FKTN: variants seen among roughly 807,000 people sequenced by gnomAD.
FKTN encodes the protein ribitol-5-phosphate transferase FKTN.
Under a neutral mutation model 58.6 loss-of-function variants are expected in FKTN, and 47 were observed. The observed-to-expected ratio is 0.80, with a 90% CI of 0.63 to 1.02. The LOEUF is 1.02. Ranked by LOEUF, FKTN falls within the 50% of genes least tolerant of loss-of-function variation. The pLI, the probability that FKTN is intolerant of heterozygous loss-of-function variation, is 0.00. For missense variants in FKTN, 516 were observed against 537.3 expected, an observed-to-expected ratio of 0.96 and a Z score of 0.39; for synonymous variants, 178 against 191.9, an observed-to-expected ratio of 0.93 and a Z score of 0.60.
At position 105,639,605 on chromosome 9, in the gene FKTN, C is replaced by A; in HGVS notation, c.*4341C>A. Reference sequence around the variant, plus strand: ...TAGAAACCATGGGTCAGAACATATTCCTTTACTCAAAAGATTGCATGACTG... The same window carrying A: ...TAGAAACCATGGGTCAGAACATATTACTTTACTCAAAAGATTGCATGACTG... On this transcript the variant is annotated 3_prime_UTR_variant, in exon 11 of 11. Coordinates refer to ENST00000357998, the MANE Select transcript of FKTN (RefSeq NM_001079802.2). 5 of 977,460 alleles carry A rather than the reference C, an allele frequency of 5.1e-6. No individual in the cohort carries two copies. The highest frequency in any genetic ancestry group is 6.1e-6 in the Non-Finnish European group (5 of 822,762). The allele number at this position is 977,460 out of a possible 1,614,324, so 60.5% of individuals were successfully genotyped here.
intron 1 of FKTN, among the ~76,000 whole-genome samples, chr9:105,566,119 A>T (rs1199098693): frequency 6.6e-6 from 1 of 152,262 alleles, no homozygotes; most frequent in Non-Finnish European, 1.5e-5. Context: ...AAGACACAAC[A>T]TACCAGAATC....
At chr9:105,561,079 C>A (rs934428361) in intron 1 of FKTN, among the ~76,000 whole-genome samples, 1 of 150,992 alleles carries the variant, frequency 6.6e-6, no homozygotes, top group Non-Finnish European at 1.5e-5. Context: ...AGCAAGAATC[C>A]GTCTCAAAAA....
intron 5 of FKTN, among the ~76,000 whole-genome samples, chr9:105,601,601 C>T (rs1247421694): frequency 6.6e-6 from 1 of 152,088 alleles, no homozygotes; most frequent in East Asian, 1.9e-4. Flanking sequence ...GATGTCAGGA[C>T]TTGTGTCTCT....
At chr9:105,617,906 A>G (rs1831114290) in intron 8 of FKTN, 53 bp from the exon 9 acceptor site, 2 of 1,113,250 alleles carry the variant, frequency 1.8e-6, no homozygotes, top group African/African-American at 3.2e-5. Context: ...TGTTATAATA[A>G]CTAATTTTTT....
chr9:105,602,567 G>GT (rs1431695830), intron 5 of FKTN, among the ~76,000 whole-genome samples: 4 of 152,170 alleles, frequency 2.6e-5, no homozygotes, highest in South Asian at 4.2e-4. Context: ...TTTTGTTTTT[G>GT]TTTTTTGAGA....
At chr9:105,591,711 A>G (rs1350708987) in intron 3 of FKTN, among the ~76,000 whole-genome samples, 2 of 152,094 alleles carry the variant, frequency 1.3e-5, no homozygotes, top group Non-Finnish European at 2.9e-5. Context: ...CAGCTCCAGT[A>G]GGCAGTGCCC....
chr9:105,592,514 G>A (rs1377866225), intron 3 of FKTN, among the ~76,000 whole-genome samples: 1 of 152,102 alleles, frequency 6.6e-6, no homozygotes, highest in Non-Finnish European at 1.5e-5. Flanking sequence ...ATGGGTGCCT[G>A]TAATCCTAGC....
chr9:105,616,441 TC>T (rs1381180108), intron 8 of FKTN, among the ~76,000 whole-genome samples: 7 of 152,138 alleles, frequency 4.6e-5, no homozygotes, highest in African/African-American at 1.4e-4. Context: ...ACATCACTGT[TC>T]ATCTGACATG....
rs1157802235 is a variant in FKTN, at chr9:105,604,386, G to C, written c.541G>C (p.Gly181Arg). The C allele has an allele frequency of 6.2e-7, 1 of 1,613,952 alleles. No individual in the cohort carries two copies. The highest frequency in any genetic ancestry group is 1.7e-5 in the Admixed American group (1 of 60,008). ...IHLVVFHERS[G>R]NYLWHGHLRL... ...CTTGGTAGTCTTTCATGAGAGGAGTGGCAACTACCTCTGGCACGGCCACTT... is the reference window on the plus strand; with the variant it reads ...CTTGGTAGTCTTTCATGAGAGGAGTCGCAACTACCTCTGGCACGGCCACTT... The change falls in exon 6 of 11, where the codon GGC (glycine) becomes CGC (arginine). Residue 181 changes from glycine (G) to arginine (R), a missense_variant. By Grantham distance (125) the Gly-to-Arg change is moderately radical. Coordinates refer to ENST00000357998, the MANE Select transcript of FKTN (RefSeq NM_001079802.2).
At position 105,604,501 on chromosome 9, in the gene FKTN, A is replaced by C. The variant is rs1588113617; in HGVS notation, c.647+9A>C. ...CCAGGAGCTTTTGACAGGTAAGTTC[A>C]GAGTCAAAACGTGAAATGTGAAATG... On this transcript the variant is annotated intron_variant, in intron 6 of 10. Transcript: ENST00000357998. 2 of 1,611,776 alleles carry C rather than the reference A, an allele frequency of 1.2e-6. No individual in the cohort carries two copies. Among genetic ancestry groups the C allele is most frequent in the African/African-American group, 1.3e-5 (1 of 75,036 alleles).
At position 105,596,429 on chromosome 9, in the gene FKTN, A is replaced by G. The variant is rs112290608; in HGVS notation, c.106-169A>G. Among the ~76,000 whole-genome samples, 1,042 of 152,322 alleles carry G rather than the reference A, an allele frequency of 6.8e-3. 17 individuals carry two copies. Among genetic ancestry groups the G allele is most frequent in the African/African-American group, 0.023 (955 of 41,560 alleles). ...GATGTTTTCCATCTTGGATTTTTATATCATAAAAATGTAGAATTCTTAGCT... is the reference window on the plus strand; with the variant it reads ...GATGTTTTCCATCTTGGATTTTTATGTCATAAAAATGTAGAATTCTTAGCT... On this transcript the variant is annotated intron_variant, in intron 3 of 10. Coordinates refer to ENST00000357998, the MANE Select transcript of FKTN (RefSeq NM_001079802.2).
At chr9:105,587,057 C>T (rs1296607715) in intron 3 of FKTN, among the ~76,000 whole-genome samples, 2 of 152,064 alleles carry the variant, frequency 1.3e-5, no homozygotes, top group Admixed American at 6.5e-5. Flanking sequence ...TAAGGAATGC[C>T]GTAGCACAAC....
intron 6 of FKTN, 133 bp downstream of exon 6, chr9:105,604,625 G>T (rs1286201661): frequency 4.0e-6 from 3 of 758,782 alleles, no homozygotes; most frequent in Admixed American, 4.8e-5. Context: ...TATTCTTAAT[G>T]ACTCCAAATT....
At chr9:105,619,801 G>A (rs1340176891) in intron 9 of FKTN, 133 bp from the exon 10 acceptor site, 2 of 749,024 alleles carry the variant, frequency 2.7e-6, no homozygotes, top group Non-Finnish European at 4.2e-6. Flanking sequence ...TTGAAAAAAT[G>A]TGCATCTTAG....
chr9:105,565,135 G>C (rs77695826), intron 1 of FKTN, among the ~76,000 whole-genome samples: 1 of 152,124 alleles, frequency 6.6e-6, no homozygotes, highest in Non-Finnish European at 1.5e-5. Context: ...CCCTAAAAGA[G>C]CTCCTGAAGG....
At chr9:105,589,398 A>G (rs1844457741) in intron 3 of FKTN, among the ~76,000 whole-genome samples, 1 of 151,988 alleles carries the variant, frequency 6.6e-6, no homozygotes, top group African/African-American at 2.4e-5. Flanking sequence ...GCTATTCAGG[A>G]AGCTGAGGCA....
chr9:105,588,902 C>T (rs941850150), intron 3 of FKTN, among the ~76,000 whole-genome samples: 10 of 152,146 alleles, frequency 6.6e-5, no homozygotes, highest in South Asian at 2.1e-4. Context: ...CAATGGGATA[C>T]GGCTGGAGAT....
intron 10 of FKTN, among the ~76,000 whole-genome samples, chr9:105,620,487 C>T (rs1831678740): frequency 6.6e-6 from 1 of 152,108 alleles, no homozygotes; most frequent in Non-Finnish European, 1.5e-5. Context: ...GAACGTTTTA[C>T]ATATATTAAC....
chr9:105,615,323 A>G lies in FKTN; in HGVS notation c.826A>G (p.Ser276Gly), dbSNP rs1830625974. ...NTVEAVAFRK[S>G]AKELLQLAAK... ...TGTGGAAGCTGTGGCCTTTCGGAAGAGTGCAAAGGAATTACTGCAACTAGC... is the reference window on the plus strand; with the variant it reads ...TGTGGAAGCTGTGGCCTTTCGGAAGGGTGCAAAGGAATTACTGCAACTAGC... Residue 276 changes from serine (S) to glycine (G), a missense_variant, in exon 8 of 11, where the codon AGT becomes GGT. By Grantham distance (56) the Ser-to-Gly change is moderately conservative (BLOSUM62 0). Transcript: ENST00000357998. The G allele has an allele frequency of 6.2e-7, 1 of 1,613,824 alleles. No homozygotes were observed. The highest frequency in any genetic ancestry group is 1.3e-5 in the African/African-American group (1 of 75,068).
Sources: gnomAD v4.1 joint callset for allele counts (sites outside exome capture counted in the v4.1 genomes callset) on GRCh38, gnomAD v4.1.1 for gene constraint, MANE v1.5 for transcripts, NCBI Gene and HGNC (gene_info 2026-07-23, HGNC 2026-07-21) for gene names.